IQGAP2: variants seen among roughly 807,000 people sequenced by gnomAD.
The protein encoded by IQGAP2 is IQ motif containing GTPase activating protein 2.
A neutral mutation model predicts 201.3 loss-of-function variants in IQGAP2; 173 were observed. The ratio of observed to expected loss-of-function variants is 0.86; its 90% CI spans 0.76 to 0.98. The LOEUF is 0.98. Ranked by LOEUF, IQGAP2 falls within the 50% of genes least tolerant of loss-of-function variation. The probability of loss-of-function intolerance (pLI) is 0.00; values close to 1 mark genes in which losing one functional copy is unlikely to be tolerated. For missense variants in IQGAP2, 1,687 were observed against 1,864.8 expected (o/e 0.90, Z 1.76); for synonymous variants, 675 against 673.9 (o/e 1.00, Z -0.03).
At chr5:76,531,557 T>A (rs990299608) in intron 2 of IQGAP2, among the ~76,000 whole-genome samples, 2 of 152,220 alleles carry the variant, frequency 1.3e-5, no homozygotes, top group Admixed American at 1.3e-4. Flanking sequence ...CCCATTAGGC[T>A]GCACCTCCCA....
chr5:76,566,862 A>G (rs1687939681), intron 3 of IQGAP2, among the ~76,000 whole-genome samples: 1 of 151,970 alleles, frequency 6.6e-6, no homozygotes, highest in Non-Finnish European at 1.5e-5. Context: ...CGTCCATTCT[A>G]AATGGGGTGT....
intron 14 of IQGAP2, among the ~76,000 whole-genome samples, chr5:76,630,533 C>T (rs2150381904): frequency 6.6e-6 from 1 of 152,166 alleles, no homozygotes; most frequent in South Asian, 2.1e-4. Context: ...ACCTGTGAAC[C>T]AGCTCATCGA....
At position 76,403,498 on chromosome 5, in the gene IQGAP2, G is replaced by T; in HGVS notation, c.-48G>T. On this transcript the variant is annotated 5_prime_UTR_variant, in exon 1 of 36. Coordinates refer to ENST00000274364, the MANE Select transcript of IQGAP2 (RefSeq NM_006633.5). The surrounding 1 kb of genome is among the most constrained non-coding windows in gnomAD (Gnocchi z 4.8). ...AGAGCCCGCGAGCCTGGCCAGCGAGGGTAGCCGCGGGGGGCGCGCCCCGGG... is the reference window on the plus strand; with the variant it reads ...AGAGCCCGCGAGCCTGGCCAGCGAGTGTAGCCGCGGGGGGCGCGCCCCGGG... The T allele has an allele frequency of 7.1e-7, 1 of 1,414,054 alleles. No individual in the cohort carries two copies. Among genetic ancestry groups the T allele is most frequent in the Non-Finnish European group, 9.2e-7 (1 of 1,087,392 alleles). The allele number at this position is 1,414,054 out of a possible 1,614,324, so 87.6% of individuals were successfully genotyped here.
At chr5:76,498,757 G>A (rs1757119989) in intron 2 of IQGAP2, among the ~76,000 whole-genome samples, 1 of 152,192 alleles carries the variant, frequency 6.6e-6, no homozygotes, top group African/African-American at 2.4e-5. Flanking sequence ...AGCTTACCTG[G>A]TGTATCTCCT....
At chr5:76,673,766 C>CT (rs2150490457) in intron 25 of IQGAP2, 177 bp downstream of exon 25, 2 of 716,374 alleles carry the variant, frequency 2.8e-6, no homozygotes, top group East Asian at 5.3e-5. Context: ...AGGGGCAATA[C>CT]TTCAGTAGCA....
intron 1 of IQGAP2, among the ~76,000 whole-genome samples, chr5:76,443,774 G>A (rs1272600884): frequency 6.6e-6 from 1 of 152,228 alleles, no homozygotes; most frequent in Non-Finnish European, 1.5e-5. Context: ...CAAAGAGCAA[G>A]TGTTCAGCTA....
chr5:76,520,070 T>C (rs1758574805), intron 2 of IQGAP2, among the ~76,000 whole-genome samples: 1 of 152,032 alleles, frequency 6.6e-6, no homozygotes, highest in African/African-American at 2.4e-5. Flanking sequence ...TTTTCATTAA[T>C]GGTTTGTGCT....
intron 22 of IQGAP2, 62 bp from the exon 23 acceptor site, chr5:76,668,619 T>C: frequency 1.5e-6 from 2 of 1,344,526 alleles, no homozygotes; most frequent in Non-Finnish European, 2.1e-6. Flanking sequence ...TGTGCTTTAA[T>C]AATATATTAA....
Position 76,671,965 on chromosome 5 carries a change from C to T in IQGAP2, c.3050C>T (p.Thr1017Ile). Residue 1017 changes from threonine to isoleucine, a missense_variant, in exon 24 of 36, where the codon ACA becomes ATA. Thr to Ile is a moderately conservative substitution (Grantham distance 89). Transcript: ENST00000274364. Reference protein sequence around the residue: ...VYKAWVNQLETQTGEASKLPY... With the variant: ...VYKAWVNQLEIQTGEASKLPY... Reference sequence around the variant, plus strand: ...AAGGCTTGGGTGAACCAACTAGAAACACAGACTGGAGAGGCCAGGTAATAG... The same window carrying T: ...AAGGCTTGGGTGAACCAACTAGAAATACAGACTGGAGAGGCCAGGTAATAG... 1 of 1,613,302 alleles carries T rather than the reference C, an allele frequency of 6.2e-7. No homozygotes were observed. Among genetic ancestry groups the T allele is most frequent in the Non-Finnish European group, 8.5e-7 (1 of 1,179,382 alleles).
chr5:76,630,381 T>C (rs767624136), intron 14 of IQGAP2, among the ~76,000 whole-genome samples: 3 of 152,184 alleles, frequency 2.0e-5, no homozygotes, highest in Non-Finnish European at 4.4e-5. Flanking sequence ...CTTTATACCA[T>C]AGACTTTGGG....
In IQGAP2 at chr5:76,504,094, C is replaced by G. The variant is rs568247348; in HGVS notation, c.146+42425C>G. On this transcript the variant is annotated intron_variant, in intron 2 of 35. Coordinates refer to ENST00000274364, the MANE Select transcript of IQGAP2 (RefSeq NM_006633.5). ...AAGCTGGCACTGACTTTGGCAGCGGCCTTGACTTTTAGAGCATAGCGTGCT... is the reference window on the plus strand; with the variant it reads ...AAGCTGGCACTGACTTTGGCAGCGGGCTTGACTTTTAGAGCATAGCGTGCT... Among the ~76,000 whole-genome samples the G allele has an allele frequency of 3.3e-5, 5 of 152,312 alleles. No individual in the cohort carries two copies. In the South Asian group the frequency reaches 1.0e-3, roughly 32 times the overall value.
rs149328816 is a variant in IQGAP2, at chr5:76,466,447, G to A, written c.146+4778G>A. 1.2e-4 allele frequency among the ~76,000 whole-genome samples: 19 copies of A among 152,274 alleles called. No homozygotes were observed. In the South Asian group the frequency reaches 1.7e-3, roughly 13 times the overall value. On this transcript the variant is annotated intron_variant, in intron 2 of 35. Coordinates refer to ENST00000274364, the MANE Select transcript of IQGAP2 (RefSeq NM_006633.5). ...AGGACTCATTTTTCAATTTCAAAAC[G>A]TACTTACAAAGCCCACAGTAATTGA... is the stretch of plus-strand genomic sequence containing the variant.
chr5:76,440,446 A>G (rs1283004193), intron 1 of IQGAP2, among the ~76,000 whole-genome samples: 1 of 152,204 alleles, frequency 6.6e-6, no homozygotes, highest in Non-Finnish European at 1.5e-5. Flanking sequence ...GGACATTCCA[A>G]AAGAGGCACC....
intron 2 of IQGAP2, among the ~76,000 whole-genome samples, chr5:76,560,221 C>T (rs1744264546): frequency 6.6e-6 from 1 of 152,018 alleles, no homozygotes; most frequent in Non-Finnish European, 1.5e-5. Context: ...GGCCTGACTA[C>T]AGCTTACTGC....
At chr5:76,679,614 G>A (rs1745111509) in intron 28 of IQGAP2, among the ~76,000 whole-genome samples, 1 of 152,164 alleles carries the variant, frequency 6.6e-6, no homozygotes. Context: ...GTAGAAGGTG[G>A]CCACCTAAAT....
intron 17 of IQGAP2, among the ~76,000 whole-genome samples, chr5:76,644,315 T>A (rs1419349485): frequency 6.0e-5 from 8 of 133,246 alleles, no homozygotes; most frequent in Non-Finnish European, 1.6e-5. Flanking sequence ...TTTTTTTTTT[T>A]TTGAGACAGA....
chr5:76,562,328 G>A, intron 2 of IQGAP2, 68 bp from the exon 3 acceptor site: 1 of 1,146,110 alleles, frequency 8.7e-7, no homozygotes, highest in Non-Finnish European at 1.3e-6. Flanking sequence ...GCGAAATGCT[G>A]CATGCCTTCA....
rs1747484300 is a variant in IQGAP2 at position 76,702,416 on chromosome 5, T to G, written c.4506-66T>G. ...AAATGATTATTTGAGATTCCATTAG[T>G]TTGTTTCAGCTTTAAGCACATCTGT... is the stretch of plus-strand genomic sequence containing the variant. On this transcript the variant is annotated intron_variant, in intron 34 of 35. Transcript: ENST00000274364. 8 of 770,276 alleles carry G rather than the reference T, an allele frequency of 1.0e-5. No homozygotes were observed. The East Asian group carries it at 2.1e-4, about 20-fold the overall frequency. The allele number at this position is 770,276 out of a possible 1,614,324, so 47.7% of individuals were successfully genotyped here. A position where few individuals can be genotyped will look rare whatever the true frequency, so the allele number is the denominator to read the frequency against.
chr5:76,410,480 A>T (rs1447557019), intron 1 of IQGAP2, among the ~76,000 whole-genome samples: 4 of 152,192 alleles, frequency 2.6e-5, no homozygotes, highest in Non-Finnish European at 5.9e-5. Context: ...CAGGGGAGGC[A>T]GGTGTGGCAA....
Sources: gnomAD v4.1 joint callset for allele counts (sites outside exome capture counted in the v4.1 genomes callset) on GRCh38, gnomAD v4.1.1 for gene constraint, Gnocchi (gnomAD v3.1) non-coding constraint, MANE v1.5 for transcripts, NCBI Gene and HGNC (gene_info 2026-07-23, HGNC 2026-07-21) for gene names.